Variants in SERGEF observed in about 807,000 individuals in gnomAD.
SERGEF encodes the protein secretion-regulating guanine nucleotide exchange factor.
SERGEF carries 51 observed loss-of-function variants against 50.0 expected under a neutral mutation model. The observed-to-expected ratio is 1.02, with a 90% CI of 0.81 to 1.29. SERGEF has a LOEUF of 1.29. SERGEF is among the 50% of genes most tolerant of loss of function. SERGEF has a pLI of 0.00. For synonymous variants in SERGEF, 205 were observed against 212.4 expected, an observed-to-expected ratio of 0.97 and a Z score of 0.30; for missense variants, 521 against 557.0, an observed-to-expected ratio of 0.94 and a Z score of 0.65.
chr11:17,901,513 T>C (rs1048248978), intron 9 of SERGEF, among the ~76,000 whole-genome samples: 1 of 152,166 alleles, frequency 6.6e-6, no homozygotes, highest in Non-Finnish European at 1.5e-5. Flanking sequence ...CCACAAGAAG[T>C]CCATGCTCCA....
intron 10 of SERGEF, among the ~76,000 whole-genome samples, chr11:17,864,728 T>C (rs1029478592): frequency 6.6e-6 from 1 of 152,184 alleles, no homozygotes; most frequent in African/African-American, 2.4e-5. Flanking sequence ...AGCTGCTGTC[T>C]CCCTGTCTGG....
chr11:17,886,461 A>T (rs1172679885), intron 9 of SERGEF, among the ~76,000 whole-genome samples: 1 of 151,908 alleles, frequency 6.6e-6, no homozygotes, highest in Non-Finnish European at 1.5e-5. Flanking sequence ...AATACAACAA[A>T]ATTAGCCCGG....
At chr11:17,830,483 T>C (rs1850273381) in intron 10 of SERGEF, among the ~76,000 whole-genome samples, 4 of 151,960 alleles carry the variant, frequency 2.6e-5, no homozygotes, top group Admixed American at 1.3e-4. Context: ...AGTGCCAGCA[T>C]CTGGTGAGGG....
intron 9 of SERGEF, among the ~76,000 whole-genome samples, chr11:17,896,171 T>C (rs1431267689): frequency 2.0e-5 from 3 of 152,156 alleles, no homozygotes; most frequent in Non-Finnish European, 4.4e-5. Flanking sequence ...ATTAAGATCA[T>C]TGACAAAATG....
chr11:17,910,054 G>A (rs1004844244), intron 9 of SERGEF, among the ~76,000 whole-genome samples: 1 of 152,068 alleles, frequency 6.6e-6, no homozygotes, highest in African/African-American at 2.4e-5. Context: ...GCACTCAGGG[G>A]ACTCACAGTA....
At chr11:17,997,399 G>T (rs1024503543) in intron 5 of SERGEF, among the ~76,000 whole-genome samples, 8 of 152,006 alleles carry the variant, frequency 5.3e-5, no homozygotes, top group Non-Finnish European at 1.0e-4. Context: ...GTGAGTTTTT[G>T]GAAAAATTGG....
At chr11:17,885,187 A>C (rs1490686140) in intron 9 of SERGEF, among the ~76,000 whole-genome samples, 3 of 152,090 alleles carry the variant, frequency 2.0e-5, no homozygotes, top group Admixed American at 6.5e-5. Context: ...GATCCTGTTA[A>C]TCCTGCCTTC....
intron 10 of SERGEF, among the ~76,000 whole-genome samples, chr11:17,803,821 C>A (rs1025527837): frequency 3.3e-5 from 5 of 152,208 alleles, no homozygotes; most frequent in African/African-American, 1.2e-4. Flanking sequence ...TCTCCATGGA[C>A]CCCTTGCATG....
intron 10 of SERGEF, among the ~76,000 whole-genome samples, chr11:17,866,126 A>G (rs1427277754): frequency 6.6e-6 from 1 of 152,208 alleles, no homozygotes; most frequent in African/African-American, 2.4e-5. Context: ...AAACAGCTCA[A>G]GCAACCACTT....
chr11:17,962,259 C>T (rs1853019268), intron 8 of SERGEF, among the ~76,000 whole-genome samples: 1 of 152,058 alleles, frequency 6.6e-6, no homozygotes, highest in African/African-American at 2.4e-5. Flanking sequence ...ATCTTCTTCC[C>T]AGGAGCCCAT....
At position 17,788,300 on chromosome 11, in the gene SERGEF, G is replaced by A. The variant is rs1178966365; in HGVS notation, c.1162C>T (p.Leu388Phe). The A allele has an allele frequency of 1.2e-6, 2 of 1,614,228 alleles. No individual in the cohort carries two copies. The highest frequency in any genetic ancestry group is 1.7e-5 in the Admixed American group (1 of 60,030). ...VQALLSSSGL[L>F]VGCGAGHSLA... ...GAGTGGCCAGCCCCACAGCCCACAAGGAGTCCTGACGATGACAGCAGAGCC... is the reference window on the plus strand; with the variant it reads ...GAGTGGCCAGCCCCACAGCCCACAAAGAGTCCTGACGATGACAGCAGAGCC... The change falls in exon 11 of 11, where the codon CTT becomes TTT. Residue 388 changes from leucine (L) to phenylalanine (F), a missense_variant. Leu to Phe is a conservative substitution (Grantham distance 22, BLOSUM62 0). Coordinates refer to ENST00000265965, the MANE Select transcript of SERGEF (RefSeq NM_012139.4).
chr11:18,012,191 C>T (rs1198729578), intron 1 of SERGEF, among the ~76,000 whole-genome samples: 1 of 152,218 alleles, frequency 6.6e-6, no homozygotes, highest in South Asian at 2.1e-4. Flanking sequence ...ACCACACTTA[C>T]TTTCCAGCCA....
intron 10 of SERGEF, among the ~76,000 whole-genome samples, chr11:17,844,463 C>A (rs1850564144): frequency 6.6e-6 from 1 of 152,172 alleles, no homozygotes; most frequent in Admixed American, 6.5e-5. Flanking sequence ...GTACCTCTGA[C>A]CACCTCTTTC....
At chr11:17,830,600 TGGAGAGAG>T (rs1850279262) in intron 10 of SERGEF, among the ~76,000 whole-genome samples, 1 of 27,234 alleles carries the variant, frequency 3.7e-5, no homozygotes, top group South Asian at 1.5e-3. Flanking sequence ...GGGAGAGAGG[TGGAGAGAG>T]AGAGAGAGAG....
chr11:17,979,760 G>T (rs901607847), intron 8 of SERGEF, among the ~76,000 whole-genome samples: 3 of 152,056 alleles, frequency 2.0e-5, no homozygotes, highest in African/African-American at 7.2e-5. Flanking sequence ...TAACTAGGTC[G>T]CTTGCTTTTC....
chr11:17,887,819 T>C (rs1490526089), intron 9 of SERGEF, among the ~76,000 whole-genome samples: 1 of 152,208 alleles, frequency 6.6e-6, no homozygotes, highest in Admixed American at 6.5e-5. Flanking sequence ...GGATACAGTG[T>C]AGTTCATTCA....
intron 9 of SERGEF, among the ~76,000 whole-genome samples, chr11:17,889,426 G>GAA (rs1851491704): frequency 1.3e-5 from 2 of 152,134 alleles, no homozygotes; most frequent in Non-Finnish European, 2.9e-5. Flanking sequence ...CCAAAAGTGT[G>GAA]TAAGTGAAAT....
intron 7 of SERGEF, 136 bp downstream of exon 7, chr11:17,992,795 G>C (rs1157809471): frequency 1.4e-6 from 1 of 735,418 alleles, no homozygotes; most frequent in Non-Finnish European, 2.3e-6. Context: ...ATTTGCCTAA[G>C]AGCATACCAG....
chr11:17,983,406 A>T (rs1475207083), intron 8 of SERGEF, among the ~76,000 whole-genome samples: 1 of 152,226 alleles, frequency 6.6e-6, no homozygotes, highest in Non-Finnish European at 1.5e-5. Flanking sequence ...TAAAGAGAAG[A>T]AATGGAGCAT....
Sources: gnomAD v4.1 joint callset for allele counts (sites outside exome capture counted in the v4.1 genomes callset) on GRCh38, gnomAD v4.1.1 for gene constraint, MANE v1.5 for transcripts, NCBI Gene and HGNC (gene_info 2026-07-23, HGNC 2026-07-21) for gene names.